Variants in GIN1 observed in about 807,000 individuals in gnomAD.
GIN1 encodes the protein gypsy retrotransposon integrase 1.
A neutral mutation model predicts 51.4 loss-of-function variants in GIN1; 41 were observed. The observed-to-expected ratio is 0.80, with a 90% confidence interval of 0.62 to 1.04. GIN1 has a LOEUF of 1.04. Among genes scored for constraint, GIN1 ranks in the 50% least tolerant of loss-of-function variants. The pLI, the probability that GIN1 is intolerant of heterozygous loss-of-function variation, is 0.00. For synonymous variants in GIN1, 222 were observed against 206.5 expected (o/e 1.07, Z -0.64); for missense variants, 610 against 612.4 (o/e 1.00, Z 0.04).
intron 2 of GIN1, among the ~76,000 whole-genome samples, chr5:103,107,124 T>C (rs1787748803): frequency 6.6e-6 from 1 of 152,100 alleles, no homozygotes; most frequent in Non-Finnish European, 1.5e-5. Context: ...CAGTAGCTGC[T>C]ATAATTCTGT....
At chr5:103,115,367 T>C (rs541089643) in intron 1 of GIN1, among the ~76,000 whole-genome samples, 1 of 152,282 alleles carries the variant, frequency 6.6e-6, no homozygotes, top group East Asian at 1.9e-4. Context: ...TAACACACGT[T>C]ACCACATGGA....
intron 7 of GIN1, among the ~76,000 whole-genome samples, chr5:103,088,896 T>C (rs567861310): frequency 6.9e-4 from 105 of 152,332 alleles, no homozygotes; most frequent in African/African-American, 2.5e-3. Flanking sequence ...TTTTAACAAA[T>C]AGAATTATTA....
intron 4 of GIN1, among the ~76,000 whole-genome samples, chr5:103,100,405 T>A (rs1023557432): frequency 6.7e-6 from 1 of 149,482 alleles, no homozygotes; most frequent in South Asian, 2.1e-4. Context: ...ATTATTATTA[T>A]TTTTTTGAGA....
chr5:103,116,552 C>T (rs192219528), intron 1 of GIN1, among the ~76,000 whole-genome samples: 181 of 152,048 alleles, frequency 1.2e-3, no homozygotes, highest in Non-Finnish European at 2.2e-3. Context: ...TCTTTGTGAG[C>T]TCAGGTTGGG....
chr5:103,111,198 CAA>C (rs1554196885), intron 1 of GIN1, among the ~76,000 whole-genome samples: 2 of 151,898 alleles, frequency 1.3e-5, no homozygotes. Context: ...AAAAAGAAAC[CAA>C]AATCATTTTT....
intron 5 of GIN1, 27 bp from the exon 6 acceptor site, chr5:103,097,517 T>A (rs1787439729): frequency 6.7e-7 from 1 of 1,496,240 alleles, no homozygotes; most frequent in African/African-American, 1.4e-5. Flanking sequence ...AAACGTCAAT[T>A]TTGTAATAAA....
chr5:103,097,855 TC>T lies in GIN1; in HGVS notation c.640-75del, dbSNP rs571102891. ...TTTTCCATTGACTTAAAAAAAAGCT[TC>T]AAAAGAATTAGAATCTTGCCTTTTA... On this transcript the variant is annotated intron_variant, in intron 4 of 7. Coordinates refer to ENST00000399004, the MANE Select transcript of GIN1 (RefSeq NM_017676.2). 126 of 658,518 alleles carry T rather than the reference TC, an allele frequency of 1.9e-4. No homozygotes were observed. The African/African-American group carries it at 2.3e-3, about 12-fold the overall frequency. 40.8% of individuals were successfully genotyped at this position (658,518 alleles called of 1,614,324 possible).
At chr5:103,110,364 G>A (rs1182432762) in intron 1 of GIN1, among the ~76,000 whole-genome samples, 2 of 152,092 alleles carry the variant, frequency 1.3e-5, no homozygotes, top group Non-Finnish European at 2.9e-5. Flanking sequence ...CTCAGACCCA[G>A]TGTATGCAAG....
At chr5:103,105,213 G>A (rs1405717153) in intron 3 of GIN1, among the ~76,000 whole-genome samples, 1 of 152,062 alleles carries the variant, frequency 6.6e-6, no homozygotes, top group African/African-American at 2.4e-5. Context: ...GAGTTTCACA[G>A]GGCTGACTGC....
chr5:103,089,406 G>C (rs1228112220), intron 7 of GIN1, among the ~76,000 whole-genome samples: 1 of 151,978 alleles, frequency 6.6e-6, no homozygotes, highest in Non-Finnish European at 1.5e-5. Context: ...TATAGATATA[G>C]ATATATTTAT....
chr5:103,089,211 G>GA (rs1414436385), intron 7 of GIN1, among the ~76,000 whole-genome samples: 7 of 151,904 alleles, frequency 4.6e-5, no homozygotes, highest in African/African-American at 1.7e-4. Flanking sequence ...TCACCATCAA[G>GA]AAAAAAATGT....
intron 1 of GIN1, among the ~76,000 whole-genome samples, chr5:103,110,849 C>A (rs929864907): frequency 6.6e-6 from 1 of 152,114 alleles, no homozygotes; most frequent in Non-Finnish European, 1.5e-5. Context: ...TTTTACCATG[C>A]GTATACTCTG....
At position 103,100,038 on chromosome 5, in the gene GIN1, C is replaced by T. The variant is rs1310562178; in HGVS notation, c.640-2257G>A. Among the ~76,000 whole-genome samples, 4 of 151,982 alleles carry T rather than the reference C, an allele frequency of 2.6e-5. No homozygotes were observed. In the East Asian group the frequency reaches 5.8e-4, roughly 22 times the overall value. On this transcript the variant is annotated intron_variant, in intron 4 of 7. Transcript: ENST00000399004. ...AGAACAAGTTTTCCCAATCATATGT[C>T]GCTTTTTTGGTTTTTTGTTTAAGCA... is the stretch of plus-strand genomic sequence containing the variant.
At chr5:103,109,738 A>AT (rs11308349) in intron 1 of GIN1, among the ~76,000 whole-genome samples, 3 of 152,234 alleles carry the variant, frequency 2.0e-5, no homozygotes, top group Middle Eastern at 3.4e-3. Context: ...TAAATACATG[A>AT]TTTTTTTCAT....
In GIN1 at chr5:103,106,858, A is replaced by G. The variant is rs1787740465; in HGVS notation, c.191T>C (p.Ile64Thr). 5 of 1,594,672 alleles carry G rather than the reference A, an allele frequency of 3.1e-6. No individual in the cohort carries two copies. The highest frequency in any genetic ancestry group is 4.3e-6 in the Non-Finnish European group (5 of 1,171,450). ...TTTCTTTTTTTCCTCTTCTGAAACA[A>G]TTACCAAACGATTTTGTTTTCTGTC... ...GKDRKQNRLVIVSEEEKKKVL... is the reference protein window; with the variant it reads ...GKDRKQNRLVTVSEEEKKKVL... Residue 64 changes from isoleucine to threonine, a missense_variant, in exon 3 of 8, where the codon ATT becomes ACT. By Grantham distance (89) the Ile-to-Thr change is moderately conservative (BLOSUM62 -1). Transcript: ENST00000399004.
At position 103,108,803 on chromosome 5, in the gene GIN1, C is replaced by T. The variant is rs1787797563; in HGVS notation, c.-7-89G>A. 1.5e-5 allele frequency: 12 copies of T among 817,542 alleles called. No individual in the cohort carries two copies. In the South Asian group the frequency reaches 1.8e-4, roughly 12 times the overall value. 50.6% of individuals were successfully genotyped at this position (817,542 alleles called of 1,614,324 possible). ...AAGACTTCTGTCATATTTCTATTTA[C>T]ATATGAACCGAGAATTCCCAGAATT... On this transcript the variant is annotated intron_variant, in intron 1 of 7. Transcript: ENST00000399004.
chr5:103,096,131 C>T (rs1227934580), intron 7 of GIN1, among the ~76,000 whole-genome samples: 1 of 151,918 alleles, frequency 6.6e-6, no homozygotes, highest in Non-Finnish European at 1.5e-5. Context: ...CACGGGAGGT[C>T]AGGAGTTCAA....
chr5:103,101,810 A>C (rs1460737754), intron 4 of GIN1, among the ~76,000 whole-genome samples: 1 of 152,354 alleles, frequency 6.6e-6, no homozygotes, highest in South Asian at 2.1e-4. Flanking sequence ...AATCGTATAC[A>C]TTATTAATAA....
Position 103,106,826 on chromosome 5 carries a change from T to C in GIN1, c.223A>G (p.Arg75Gly), listed in dbSNP as rs782753746. ...VSEEEKKKVL[R>G]ECHENDSGAH... ...CCACTGTCATTTTCATGGCATTCTCTTAAGACTTTCTTTTTTTCCTCTTCT... is the reference window on the plus strand; with the variant it reads ...CCACTGTCATTTTCATGGCATTCTCCTAAGACTTTCTTTTTTTCCTCTTCT... The change falls in exon 3 of 8, where the codon AGA becomes GGA. Residue 75 changes from arginine (R) to glycine (G), a missense_variant. Coordinates refer to ENST00000399004, the MANE Select transcript of GIN1 (RefSeq NM_017676.2). 1 of 1,603,528 alleles carries C rather than the reference T, an allele frequency of 6.2e-7. No individual in the cohort carries two copies.
Sources: gnomAD v4.1 joint callset for allele counts (sites outside exome capture counted in the v4.1 genomes callset) on GRCh38, gnomAD v4.1.1 for gene constraint, MANE v1.5 for transcripts, NCBI Gene and HGNC (gene_info 2026-07-23, HGNC 2026-07-21) for gene names.